CLXN: variants seen among roughly 807,000 people sequenced by gnomAD.
CLXN encodes the protein calaxin.
At chr8:48,734,737 G>C in the CLXN span, 3 of 220,486 alleles carry the variant, frequency 1.4e-5, no homozygotes, top group African/African-American at 6.8e-5. Context: ...GTCTACCTTG[G>C]TGGTGCTACT....
the CLXN span, among the ~76,000 whole-genome samples, chr8:48,725,993 A>G: frequency 5.0e-5 from 4 of 80,624 alleles, no homozygotes; most frequent in African/African-American, 2.0e-4. Flanking sequence ...CACCCACCTC[A>G]CCATCCATCC....
the CLXN span, among the ~76,000 whole-genome samples, chr8:48,726,958 C>A: frequency 6.6e-6 from 1 of 151,000 alleles, no homozygotes; most frequent in African/African-American, 2.4e-5. Context: ...TATAACCAAT[C>A]ACCCACTTCA....
At chr8:48,732,325 G>A in the CLXN span, among the ~76,000 whole-genome samples, 1 of 152,128 alleles carries the variant, frequency 6.6e-6, no homozygotes, top group African/African-American at 2.4e-5. Flanking sequence ...CTGTGATTGA[G>A]CATTTTAACA....
the CLXN span, among the ~76,000 whole-genome samples, chr8:48,714,279 A>G: frequency 6.6e-6 from 1 of 152,220 alleles, no homozygotes; most frequent in Non-Finnish European, 1.5e-5. Context: ...CAGTGTTACA[A>G]TCATTTCTGA....
At chr8:48,729,228 T>TA in the CLXN span, 2 of 1,172,016 alleles carry the variant, frequency 1.7e-6, no homozygotes, top group Non-Finnish European at 2.4e-6. Flanking sequence ...AGTGTTAATT[T>TA]AAAAAAATGT....
At chr8:48,724,691 T>C in the CLXN span, 33 of 1,441,350 alleles carry the variant, frequency 2.3e-5, 1 homozygote, top group Middle Eastern at 4.1e-4. Context: ...ATAAGCAATA[T>C]GTGTGTGCCT....
chr8:48,731,264 T>C, the CLXN span: 1 of 1,388,100 alleles, frequency 7.2e-7, no homozygotes, highest in Non-Finnish European at 9.5e-7. Flanking sequence ...CTAAGCTTCC[T>C]ACCAAGAGGA....
the CLXN span, chr8:48,716,655 A>G: frequency 6.6e-6 from 1 of 152,224 alleles, no homozygotes; most frequent in Non-Finnish European, 1.5e-5. Flanking sequence ...GGTAAGTACA[A>G]TGAATGAAAC....
the CLXN span, among the ~76,000 whole-genome samples, chr8:48,719,160 T>G: frequency 5.9e-5 from 9 of 151,682 alleles, no homozygotes; most frequent in African/African-American, 2.2e-4. Flanking sequence ...TATGCCCAAA[T>G]TGGATAACAG....
the CLXN span, chr8:48,731,640 G>T: frequency 6.0e-6 from 4 of 661,448 alleles, no homozygotes; most frequent in Non-Finnish European, 9.4e-6. Context: ...CTCCTGTTTT[G>T]AGATTCATGA....
At chr8:48,722,684 C>A in the CLXN span, among the ~76,000 whole-genome samples, 1 of 152,096 alleles carries the variant, frequency 6.6e-6, no homozygotes, top group South Asian at 2.1e-4. Context: ...TCTGTCCTGG[C>A]ACCCAGTATC....
chr8:48,726,056 C>A, the CLXN span, among the ~76,000 whole-genome samples: 1 of 149,030 alleles, frequency 6.7e-6, no homozygotes, highest in African/African-American at 2.5e-5. Flanking sequence ...CCTACCTCGC[C>A]CATCCACCCA....
At chr8:48,733,285 G>A in the CLXN span, among the ~76,000 whole-genome samples, 2 of 152,004 alleles carry the variant, frequency 1.3e-5, no homozygotes, top group Non-Finnish European at 2.9e-5. Context: ...TTAAAAACTA[G>A]TTTAATTTAT....
chr8:48,729,749 C>T, the CLXN span: 3 of 1,612,284 alleles, frequency 1.9e-6, no homozygotes, highest in Non-Finnish European at 2.5e-6. Flanking sequence ...TCAACCAAAT[C>T]TTTAATTCCT....
the CLXN span, chr8:48,712,193 C>T: frequency 6.6e-6 from 1 of 152,190 alleles, no homozygotes; most frequent in South Asian, 2.1e-4. Context: ...TTCCTAAATC[C>T]TTCTGCTTAC....
the CLXN span, among the ~76,000 whole-genome samples, chr8:48,720,714 T>G: frequency 6.6e-6 from 1 of 152,162 alleles, no homozygotes; most frequent in African/African-American, 2.4e-5. Flanking sequence ...AGTTCTGCTT[T>G]TTGCCCTTTG....
chr8:48,722,404 T>G, the CLXN span, among the ~76,000 whole-genome samples: 26 of 152,252 alleles, frequency 1.7e-4, no homozygotes, highest in African/African-American at 5.8e-4. Flanking sequence ...GACTACCATT[T>G]GATCCAGAAA....
chr8:48,715,817 A>G, the CLXN span: 1 of 152,270 alleles, frequency 6.6e-6, no homozygotes, highest in Non-Finnish European at 1.5e-5. Context: ...TCGTGTGTAG[A>G]TATAAATGCA....
the CLXN span, among the ~76,000 whole-genome samples, chr8:48,717,745 A>G: frequency 6.6e-6 from 1 of 152,194 alleles, no homozygotes; most frequent in South Asian, 2.1e-4. Context: ...AATTACAAGA[A>G]CACAAAATGT....
Sources: allele counts gnomAD v4.1 joint callset (sites outside exome capture counted in the v4.1 genomes callset), GRCh38; gene constraint gnomAD v4.1.1; transcripts MANE v1.5; gene names NCBI Gene and HGNC (gene_info 2026-07-23, HGNC 2026-07-21).